Variants in CDK7 observed in about 807,000 individuals in gnomAD.
The protein encoded by CDK7 is cyclin dependent kinase 7.
Under a neutral mutation model 49.1 loss-of-function variants are expected in CDK7, and 25 were observed. The observed-to-expected ratio is 0.51, with a 90% CI of 0.37 to 0.71. The LOEUF is 0.71. Among genes scored for constraint, CDK7 ranks in the 30% least tolerant of loss-of-function variants. The probability of loss-of-function intolerance (pLI) is 0.00; values close to 1 mark genes in which losing one functional copy is unlikely to be tolerated. For synonymous variants in CDK7, 107 were observed against 140.0 expected (o/e 0.76, Z 1.67); for missense variants, 316 against 411.7 (o/e 0.77, Z 2.01).
At chr5:69,241,653 G>C (rs72767849) in intron 2 of CDK7, among the ~76,000 whole-genome samples, 23,211 of 151,968 alleles carry the variant, frequency 0.15, 1,912 homozygotes, top group African/African-American at 0.21. Flanking sequence ...GCATTTTTCT[G>C]ATGCTCAGTG....
At chr5:69,267,729 T>C (rs1170097703) in intron 8 of CDK7, among the ~76,000 whole-genome samples, 1 of 152,176 alleles carries the variant, frequency 6.6e-6, no homozygotes, top group Non-Finnish European at 1.5e-5. Flanking sequence ...TTACATAGGC[T>C]TGTTCAAATT....
At chr5:69,261,555 G>A (rs1359171827) in intron 7 of CDK7, among the ~76,000 whole-genome samples, 1 of 146,042 alleles carries the variant, frequency 6.8e-6, no homozygotes, top group African/African-American at 2.5e-5. Context: ...TTTTGAGACG[G>A]AATCTGGCAC....
chr5:69,241,582 C>A (rs1042767181), intron 2 of CDK7, among the ~76,000 whole-genome samples: 2 of 152,056 alleles, frequency 1.3e-5, no homozygotes, highest in Non-Finnish European at 2.9e-5. Flanking sequence ...CCTCAGCCTC[C>A]CAAAGTGCTG....
upstream of CDK7, chr5:69,234,854 G>C (rs755930502): frequency 1.3e-4 from 130 of 974,536 alleles, no homozygotes; most frequent in Non-Finnish European, 1.9e-4. Flanking sequence ...AGTGAGGCGG[G>C]GATACTAAAG....
intron 2 of CDK7, among the ~76,000 whole-genome samples, chr5:69,249,367 C>A (rs530855184): frequency 2.0e-4 from 30 of 150,416 alleles, no homozygotes; most frequent in African/African-American, 7.3e-4. Flanking sequence ...ATGGTGAAAC[C>A]CCATCTCTAC....
Position 69,259,813 on chromosome 5 carries a change from T to C in CDK7, c.409-5T>C, listed in dbSNP as rs1750703393. On this transcript the variant is annotated splice_region_variant and splice_polypyrimidine_tract_variant and intron_variant, in intron 6 of 11. Coordinates refer to ENST00000256443, the MANE Select transcript of CDK7 (RefSeq NM_001799.4). ...ATTTGTTTGTTTAAAACTTCCGTCA[T>C]ATAGGATCTGAAACCAAACAACTTG... 3.1e-6 allele frequency: 5 copies of C among 1,597,864 alleles called. No homozygotes were observed. The highest frequency in any genetic ancestry group is 1.7e-5 in the Admixed American group (1 of 60,008).
At chr5:69,248,340 CT>C in intron 2 of CDK7, among the ~76,000 whole-genome samples, 1 of 152,000 alleles carries the variant, frequency 6.6e-6, no homozygotes, top group Non-Finnish European at 1.5e-5. Flanking sequence ...TTACTGGTTT[CT>C]TTTTTCTTCT....
At chr5:69,255,661 TC>T (rs1412028814) in intron 5 of CDK7, 133 bp downstream of exon 5, 1 of 750,092 alleles carries the variant, frequency 1.3e-6, no homozygotes, top group East Asian at 2.5e-5. Context: ...TTGGATGTAC[TC>T]TGAGGCAAAA....
chr5:69,255,720 T>TA (rs1444387665), intron 5 of CDK7, 192 bp downstream of exon 5: 1 of 598,580 alleles, frequency 1.7e-6, no homozygotes, highest in Non-Finnish European at 3.0e-6. Context: ...TCCCCAGTGT[T>TA]ACATACAAAG....
chr5:69,245,599 C>T (rs1749700961), intron 2 of CDK7, among the ~76,000 whole-genome samples: 1 of 152,086 alleles, frequency 6.6e-6, no homozygotes, highest in South Asian at 2.1e-4. Flanking sequence ...CCTCAGCCTC[C>T]TAAAGTGCTG....
chr5:69,253,777 C>T (rs775129202), intron 3 of CDK7, among the ~76,000 whole-genome samples: 3 of 152,122 alleles, frequency 2.0e-5, no homozygotes, highest in African/African-American at 4.8e-5. Context: ...CACCATTTGT[C>T]GTAGTCTTTG....
At chr5:69,243,878 G>A (rs1464073035) in intron 2 of CDK7, among the ~76,000 whole-genome samples, 1 of 136,416 alleles carries the variant, frequency 7.3e-6, no homozygotes, top group Admixed American at 8.6e-5. Context: ...TGTTGCCTGG[G>A]CTGGAGTTCA....
At chr5:69,240,855 G>A (rs1749320992) in intron 2 of CDK7, among the ~76,000 whole-genome samples, 2 of 152,140 alleles carry the variant, frequency 1.3e-5, no homozygotes, top group Non-Finnish European at 2.9e-5. Context: ...TCTATCTCCT[G>A]ACCTCAAGTG....
intron 7 of CDK7, among the ~76,000 whole-genome samples, chr5:69,261,526 A>G (rs28650366): frequency 0.017 from 1,999 of 116,910 alleles, 16 homozygotes; most frequent in Admixed American, 0.045. Flanking sequence ...GTGTGTGTGT[A>G]TGTGTGTGTG....
In CDK7 at chr5:69,272,936, T is replaced by A. The variant is rs758870792; in HGVS notation, c.759T>A (p.Pro253=). The A allele has an allele frequency of 8.8e-6, 14 of 1,597,452 alleles. No individual in the cohort carries two copies. Among genetic ancestry groups the A allele is most frequent in the Admixed American group, 5.1e-5 (3 of 59,218 alleles). The change falls in exon 10 of 12, where the codon CCT becomes CCA. Residue 253 remains proline (P), a synonymous_variant. Coordinates refer to ENST00000256443, the MANE Select transcript of CDK7 (RefSeq NM_001799.4). ...ATTATGTGACATTTAAGAGTTTCCC[T>A]GGAATACCTTTGCATCACATCTTCA... is the stretch of plus-strand genomic sequence containing the variant. ...LPDYVTFKSF[P]GIPLHHIFSA...
intron 8 of CDK7, among the ~76,000 whole-genome samples, chr5:69,265,558 C>A (rs952908070): frequency 6.6e-6 from 1 of 152,224 alleles, no homozygotes; most frequent in African/African-American, 2.4e-5. Context: ...ACCTAGAATT[C>A]TTTGCCTGTT....
chr5:69,263,234 G>A (rs1196061765), intron 8 of CDK7, among the ~76,000 whole-genome samples: 1 of 150,370 alleles, frequency 6.7e-6, no homozygotes, highest in African/African-American at 2.5e-5. Flanking sequence ...AAGGGATACA[G>A]GGGAATCCTT....
At chr5:69,266,461 C>T (rs542206425) in intron 8 of CDK7, among the ~76,000 whole-genome samples, 1 of 151,654 alleles carries the variant, frequency 6.6e-6, no homozygotes, top group South Asian at 2.1e-4. Flanking sequence ...TGGTGGTGGG[C>T]GCCTGTAATC....
chr5:69,271,828 T>G (rs535083629), intron 9 of CDK7, among the ~76,000 whole-genome samples: 3 of 152,168 alleles, frequency 2.0e-5, no homozygotes, highest in Non-Finnish European at 4.4e-5. Context: ...CAATTTTTTT[T>G]GTATTTTTTT....
Sources: allele counts gnomAD v4.1 joint callset (sites outside exome capture counted in the v4.1 genomes callset), GRCh38; gene constraint gnomAD v4.1.1; transcripts MANE v1.5; gene names NCBI Gene and HGNC (gene_info 2026-07-23, HGNC 2026-07-21).